The following PLBD1 variants were observed in gnomAD, a reference collection of about 807,000 sequenced individuals.
PLBD1 encodes the protein phospholipase B domain containing 1.
In PLBD1, 60 loss-of-function variants were observed where a neutral mutation model predicts 63.0. That is an observed-to-expected ratio of 0.95 (90% CI 0.77 to 1.18). The LOEUF (loss-of-function observed/expected upper bound fraction) is 1.18. PLBD1 is among the 50% of genes most tolerant of loss of function. The pLI, the probability that PLBD1 is intolerant of heterozygous loss-of-function variation, is 0.00. For missense variants in PLBD1, 598 were observed against 677.9 expected, an observed-to-expected ratio of 0.88 and a Z score of 1.31; for synonymous variants, 262 against 248.0, an observed-to-expected ratio of 1.06 and a Z score of -0.53.
chr12:14,537,975 G>T (rs1291507298), intron 4 of PLBD1, among the ~76,000 whole-genome samples: 1 of 151,604 alleles, frequency 6.6e-6, no homozygotes, highest in Non-Finnish European at 1.5e-5. Flanking sequence ...AGAGTTTTTT[G>T]ATTTTTTTAT....
Position 14,506,224 on chromosome 12 carries a change from T to C in PLBD1, c.1417A>G (p.Ile473Val), listed in dbSNP as rs779607205. ...GAGTTCAGGTCCTCACGGCAGCAGA[T>C]GGTATTACAGGGGTCACCTCTACTG... ...PYSRGDPCNT[I>V]CCREDLNSPN... The change falls in exon 10 of 11, where the codon ATC becomes GTC. Residue 473 changes from isoleucine to valine, a missense_variant. Coordinates refer to ENST00000240617, the MANE Select transcript of PLBD1 (RefSeq NM_024829.6). 5 of 1,613,368 alleles carry C rather than the reference T, an allele frequency of 3.1e-6. No individual in the cohort carries two copies. In the African/African-American group the frequency reaches 4.0e-5, roughly 13 times the overall value.
At position 14,503,859 on chromosome 12, in the gene PLBD1, G is replaced by C. The variant is rs770559430; in HGVS notation, c.1575C>G (p.Phe525Leu). 6.2e-7 allele frequency: 1 copy of C among 1,613,868 alleles called. No individual in the cohort carries two copies. The highest frequency in any genetic ancestry group is 8.5e-7 in the Non-Finnish European group (1 of 1,179,802). The change falls in exon 11 of 11, where the codon TTC becomes TTG. Residue 525 changes from phenylalanine (F) to leucine (L), a missense_variant. Coordinates refer to ENST00000240617, the MANE Select transcript of PLBD1 (RefSeq NM_024829.6). The stretch of plus-strand genomic sequence containing the variant: ...GCATGCCCTGATGTAGAGTTTTGTT[G>C]AAACGGTCCCAGCGAAAAACAGGGA... ...GGLPVFRWDRFNKTLHQGMPE... is the reference protein window; with the variant it reads ...GGLPVFRWDRLNKTLHQGMPE...
At chr12:14,547,123 G>A (rs918868817) in intron 2 of PLBD1, among the ~76,000 whole-genome samples, 4 of 151,624 alleles carry the variant, frequency 2.6e-5, no homozygotes, top group Non-Finnish European at 4.4e-5. Flanking sequence ...CAGGTGATCC[G>A]CCTGCCTTGG....
At chr12:14,547,082 G>A (rs1443230409) in intron 2 of PLBD1, among the ~76,000 whole-genome samples, 5 of 151,986 alleles carry the variant, frequency 3.3e-5, no homozygotes, top group African/African-American at 1.2e-4. Context: ...GTTTCACCAT[G>A]TTGGTCAGGC....
rs532532274 is a variant in PLBD1, at chr12:14,542,409, T to C, written c.336-118A>G. The stretch of plus-strand genomic sequence containing the variant: ...GTCCCTTATTACAAACTCTGCCTAC[T>C]ATCTTTTTTTTCCTTAATAAATGCA... On this transcript the variant is annotated intron_variant, in intron 2 of 10. Transcript: ENST00000240617. The C allele has an allele frequency of 1.3e-5, 9 of 690,494 alleles. No individual in the cohort carries two copies. In the African/African-American group the frequency reaches 1.6e-4, roughly 12 times the overall value. The allele number at this position is 690,494 out of a possible 1,614,324, so 42.8% of individuals were successfully genotyped here. A position where few individuals can be genotyped will look rare whatever the true frequency, so the allele number is the denominator to read the frequency against.
chr12:14,544,215 C>T (rs1437098968), intron 2 of PLBD1, among the ~76,000 whole-genome samples: 1 of 152,168 alleles, frequency 6.6e-6, no homozygotes, highest in East Asian at 1.9e-4. Context: ...GCTCTGTCAC[C>T]CAGGCTGGAG....
In PLBD1 at chr12:14,545,793, T is replaced by C. The variant is rs527948799; in HGVS notation, c.336-3502A>G. On this transcript the variant is annotated intron_variant, in intron 2 of 10. Transcript: ENST00000240617. ...TTTTTTATTTTATGGTCCTGGAATT[T>C]AATAAACTTTACCTCATGAGATTTT... 9.2e-5 allele frequency among the ~76,000 whole-genome samples: 14 copies of C among 152,354 alleles called. No homozygotes were observed. The South Asian group carries it at 1.9e-3, about 20-fold the overall frequency.
At chr12:14,535,869 G>A in intron 5 of PLBD1, 66 bp from the exon 6 acceptor site, 10 of 1,514,790 alleles carry the variant, frequency 6.6e-6, no homozygotes, top group Non-Finnish European at 8.1e-6. Context: ...TGTCTTAAGT[G>A]TAAGAGGCAT....
intron 6 of PLBD1, among the ~76,000 whole-genome samples, chr12:14,531,912 G>C (rs1347422599): frequency 6.6e-6 from 1 of 152,160 alleles, no homozygotes; most frequent in African/African-American, 2.4e-5. Flanking sequence ...TTACAGGCAT[G>C]AGCCTGCTTA....
chr12:14,540,628 G>A, intron 4 of PLBD1, 136 bp downstream of exon 4: 1 of 949,056 alleles, frequency 1.1e-6, no homozygotes, highest in East Asian at 2.7e-5. Context: ...TGAGAGCTAT[G>A]ACAGTTCTTT....
intron 6 of PLBD1, among the ~76,000 whole-genome samples, chr12:14,518,007 C>T (rs568878441): frequency 2.2e-4 from 34 of 152,074 alleles, no homozygotes; most frequent in Non-Finnish European, 4.3e-4. Context: ...ATGGTGAAAC[C>T]GCGTCTCTAC....
intron 4 of PLBD1, 72 bp from the exon 5 acceptor site, chr12:14,536,782 G>A: frequency 6.4e-7 from 1 of 1,567,028 alleles, no homozygotes. Context: ...CTCTTGTTAG[G>A]GACCCATTAA....
Position 14,511,627 on chromosome 12 carries a change from G to T in PLBD1, c.929C>A (p.Thr310Asn). ...LQTTNSVFNK[T>N]LLKQVIPETL... is the part of the protein sequence containing the mutation. ...CTCGGGTATTACCTGCTTTAGCAGG[G>T]TTTTATTAAACACACTGTTTGTGGT... Residue 310 changes from threonine (T) to asparagine (N), a missense_variant, in exon 7 of 11, where the codon ACC becomes AAC. Coordinates refer to ENST00000240617, the MANE Select transcript of PLBD1 (RefSeq NM_024829.6). The T allele has an allele frequency of 3.7e-6, 6 of 1,614,132 alleles. No individual in the cohort carries two copies. The highest frequency in any genetic ancestry group is 5.1e-6 in the Non-Finnish European group (6 of 1,179,996).
At chr12:14,550,929 A>G (rs1304922045) in intron 2 of PLBD1, among the ~76,000 whole-genome samples, 2 of 152,058 alleles carry the variant, frequency 1.3e-5, no homozygotes, top group African/African-American at 2.4e-5. Flanking sequence ...TGTAGGCTCA[A>G]CTACTGTGGA....
In PLBD1 at chr12:14,503,868, CCAGCGAAAAACAGGGAGGCCA is replaced by C; in HGVS notation, c.1545_1565del (p.Gly516_Trp522del). 4 of 1,613,776 alleles carry C rather than the reference CCAGCGAAAAACAGGGAGGCCA, an allele frequency of 2.5e-6. No individual in the cohort carries two copies. The highest frequency in any genetic ancestry group is 3.4e-6 in the Non-Finnish European group (4 of 1,179,838). ...GATGTAGAGTTTTGTTGAAACGGTC[CCAGCGAAAAACAGGGAGGCCA>C]CCTTGTACTGTGGGACCACTTATGG... is the stretch of plus-strand genomic sequence containing the variant. On this transcript the variant is annotated inframe_deletion, in exon 11 of 11. Coordinates refer to ENST00000240617, the MANE Select transcript of PLBD1 (RefSeq NM_024829.6).
At chr12:14,535,072 G>T (rs1447225591) in intron 6 of PLBD1, among the ~76,000 whole-genome samples, 1 of 152,116 alleles carries the variant, frequency 6.6e-6, no homozygotes, top group East Asian at 1.9e-4. Flanking sequence ...CACCTCCTTG[G>T]AATGGACAAC....
chr12:14,536,175 T>G (rs534948539), intron 5 of PLBD1: 1 of 248,874 alleles, frequency 4.0e-6, no homozygotes, highest in East Asian at 1.1e-4. Flanking sequence ...GGCACACCCA[T>G]GTAGTCCCAG....
At position 14,503,848 on chromosome 12, in the gene PLBD1, AGAGTTTTGTT is replaced by A. The variant is rs1405274229; in HGVS notation, c.1576_1585del (p.Asn526TyrfsTer16). On this transcript the variant is annotated frameshift_variant, in exon 11 of 11. Coordinates refer to ENST00000240617, the MANE Select transcript of PLBD1 (RefSeq NM_024829.6). LOFTEE classifies it high-confidence loss of function. ...GTAGACCTCTGGCATGCCCTGATGT[AGAGTTTTGTT>A]GAAACGGTCCCAGCGAAAAACAGGG... is the stretch of plus-strand genomic sequence containing the variant. 6.2e-7 allele frequency: 1 copy of A among 1,613,946 alleles called. No individual in the cohort carries two copies. Among genetic ancestry groups the A allele is most frequent in the East Asian group, 2.2e-5 (1 of 44,880 alleles).
chr12:14,563,402 C>T (rs1945757068), intron 1 of PLBD1, among the ~76,000 whole-genome samples: 1 of 152,102 alleles, frequency 6.6e-6, no homozygotes, highest in Non-Finnish European at 1.5e-5. Context: ...GCCTGTATCC[C>T]AGTTACTCGG....
Sources: gnomAD v4.1 joint callset for allele counts (sites outside exome capture counted in the v4.1 genomes callset) on GRCh38, gnomAD v4.1.1 for gene constraint, MANE v1.5 for transcripts, NCBI Gene and HGNC (gene_info 2026-07-23, HGNC 2026-07-21) for gene names.